The following CADPS variants were observed in gnomAD, a reference collection of about 807,000 sequenced individuals.
CADPS encodes the protein calcium-dependent secretion activator 1.
CADPS carries 57 observed loss-of-function variants against 167.3 expected under a neutral mutation model. The ratio of observed to expected loss-of-function variants is 0.34; its 90% CI spans 0.28 to 0.42. The LOEUF (loss-of-function observed/expected upper bound fraction) is 0.42. Ranked by LOEUF, CADPS falls within the 20% of genes least tolerant of loss-of-function variation. CADPS has a pLI of 1.00. For missense variants in CADPS, 1,414 were observed against 1,738.1 expected (o/e 0.81, Z 3.32); for synonymous variants, 676 against 635.3 (o/e 1.06, Z -0.96).
At chr3:62,491,706 T>G (rs561065187) in intron 20 of CADPS, among the ~76,000 whole-genome samples, 8 of 152,308 alleles carry the variant, frequency 5.3e-5, no homozygotes, top group African/African-American at 1.7e-4. Flanking sequence ...CCCCTTGGTA[T>G]TGATCTTCTA....
intron 3 of CADPS, among the ~76,000 whole-genome samples, chr3:62,697,386 C>CTTCA (rs1331094511): frequency 6.6e-6 from 1 of 152,056 alleles, no homozygotes; most frequent in African/African-American, 2.4e-5. Context: ...TCCTAAGTTA[C>CTTCA]TTCAGTAACT....
intron 11 of CADPS, among the ~76,000 whole-genome samples, chr3:62,537,480 G>A (rs549976966): frequency 1.3e-5 from 2 of 152,142 alleles, no homozygotes; most frequent in Admixed American, 1.3e-4. Context: ...TAGAAATGAA[G>A]GTGCTCTCCA....
At chr3:62,516,250 A>G (rs1173695831) in intron 15 of CADPS, 68 bp from the exon 16 acceptor site, 5 of 1,573,530 alleles carry the variant, frequency 3.2e-6, no homozygotes, top group African/African-American at 1.4e-5. Context: ...CATACTTCTT[A>G]GAAGCGTGAA....
intron 1 of CADPS, among the ~76,000 whole-genome samples, chr3:62,858,560 A>C (rs2080145588): frequency 6.6e-6 from 1 of 152,154 alleles, no homozygotes; most frequent in Non-Finnish European, 1.5e-5. Flanking sequence ...AAAAATTACA[A>C]GTCTGTTTGG....
intron 6 of CADPS, among the ~76,000 whole-genome samples, chr3:62,632,392 C>T (rs553078399): frequency 3.3e-5 from 5 of 152,194 alleles, no homozygotes; most frequent in Admixed American, 2.0e-4. Context: ...AACCACACTG[C>T]CTTATACAAA....
At chr3:62,693,900 C>A (rs909472928) in intron 3 of CADPS, among the ~76,000 whole-genome samples, 2 of 152,008 alleles carry the variant, frequency 1.3e-5, no homozygotes, top group East Asian at 1.9e-4. Context: ...AGTTTATGTT[C>A]ATCAGTTCTA....
At position 62,412,723 on chromosome 3, in the gene CADPS, G is replaced by C. The variant is rs1329692477; in HGVS notation, c.3778-9538C>G. ...CCTTCTAACCCAAGTCAGTCCTGTT[G>C]CATGGGGGAAATTTCAAGGGGAGGC... On this transcript the variant is annotated intron_variant, in intron 28 of 29. Coordinates refer to ENST00000383710, the MANE Select transcript of CADPS (RefSeq NM_003716.4). This position sits in a 1 kb window ranked among gnomAD's most constrained non-coding sequence, Gnocchi z 4.1. Among the ~76,000 whole-genome samples the C allele has an allele frequency of 1.3e-5, 2 of 152,138 alleles. No individual in the cohort carries two copies. The highest frequency in any genetic ancestry group is 4.8e-5 in the African/African-American group (2 of 41,432).
chr3:62,480,490 T>C (rs910315577), intron 22 of CADPS, among the ~76,000 whole-genome samples: 2 of 152,216 alleles, frequency 1.3e-5, no homozygotes, highest in Admixed American at 1.3e-4. Flanking sequence ...CATATGATTT[T>C]AGTGTGAACT....
chr3:62,828,555 A>G (rs973978457), intron 1 of CADPS, among the ~76,000 whole-genome samples: 1 of 152,186 alleles, frequency 6.6e-6, no homozygotes, highest in South Asian at 2.1e-4. Context: ...AGAGCCTTGT[A>G]TAACACAAGG....
At position 62,499,147 on chromosome 3, in the gene CADPS, A is replaced by G. The variant is rs1224260422; in HGVS notation, c.2706+15T>C. 1.3e-6 allele frequency: 2 copies of G among 1,559,816 alleles called. No homozygotes were observed. Among genetic ancestry groups the G allele is most frequent in the African/African-American group, 2.7e-5 (2 of 73,866 alleles). On this transcript the variant is annotated intron_variant, in intron 18 of 29. Transcript: ENST00000383710. ...TAAGGGACAGTAAGATACACTTCCC[A>G]CCAAGCCTGCTCACCTCTGCGTGGT...
In CADPS at chr3:62,474,294, A is replaced by G; in HGVS notation, c.3356T>C (p.Leu1119Pro). 3 of 1,613,468 alleles carry G rather than the reference A, an allele frequency of 1.9e-6. No homozygotes were observed. The highest frequency in any genetic ancestry group is 2.5e-6 in the Non-Finnish European group (3 of 1,179,846). Residue 1119 changes from leucine (L) to proline (P), a missense_variant, in exon 24 of 30, where the codon CTG becomes CCG. Coordinates refer to ENST00000383710, the MANE Select transcript of CADPS (RefSeq NM_003716.4). Reference protein sequence around the residue: ...KRTRIAFEVKLQKTSRSTDFR... With the variant: ...KRTRIAFEVKPQKTSRSTDFR... ...ATCTGTTGATCGACTGGTTTTTTGC[A>G]GCTTAACTTCAAATGCAATCCTGGT...
intron 17 of CADPS, among the ~76,000 whole-genome samples, chr3:62,509,074 G>C (rs894795641): frequency 1.3e-5 from 2 of 151,786 alleles, no homozygotes; most frequent in South Asian, 4.2e-4. Context: ...AGGCCGAGGT[G>C]GGTGGATCAC....
At chr3:62,611,894 T>G (rs2061552100) in intron 6 of CADPS, among the ~76,000 whole-genome samples, 1 of 152,168 alleles carries the variant, frequency 6.6e-6, no homozygotes, top group Non-Finnish European at 1.5e-5. Context: ...TCCTTATCAC[T>G]TATTGCCACC....
intron 3 of CADPS, among the ~76,000 whole-genome samples, chr3:62,737,631 C>G (rs564044): frequency 0.32 from 48,979 of 152,070 alleles, 8,610 homozygotes; most frequent in African/African-American, 0.46. Flanking sequence ...AATCCAAGCT[C>G]TGAGGTATGG....
At chr3:62,452,642 C>G (rs1485637798) in intron 26 of CADPS, among the ~76,000 whole-genome samples, 1 of 151,966 alleles carries the variant, frequency 6.6e-6, no homozygotes, top group Non-Finnish European at 1.5e-5. Flanking sequence ...GTGGGTGAAA[C>G]AGGAAATAAA....
chr3:62,521,531 A>C (rs2070592533), intron 13 of CADPS, among the ~76,000 whole-genome samples: 1 of 152,180 alleles, frequency 6.6e-6, no homozygotes, highest in Non-Finnish European at 1.5e-5. Context: ...CTAGCTCTGC[A>C]TCTTGTTCCT....
chr3:62,768,758 T>C (rs1243220652), intron 1 of CADPS, among the ~76,000 whole-genome samples: 5 of 152,152 alleles, frequency 3.3e-5, no homozygotes, highest in Non-Finnish European at 7.3e-5. Context: ...TGATTCAGGA[T>C]TTCAGAGAAG....
chr3:62,691,086 A>G (rs1415965550), intron 3 of CADPS, among the ~76,000 whole-genome samples: 1 of 151,984 alleles, frequency 6.6e-6, no homozygotes, highest in Non-Finnish European at 1.5e-5. Context: ...AAGGCTACAC[A>G]CTGTGTAATT....
chr3:62,545,514 C>T (rs1000470332), intron 11 of CADPS, among the ~76,000 whole-genome samples: 1 of 152,046 alleles, frequency 6.6e-6, no homozygotes, highest in African/African-American at 2.4e-5. Context: ...AACAATGACA[C>T]ACACAAAAAA....
Sources: gnomAD v4.1 joint callset for allele counts (sites outside exome capture counted in the v4.1 genomes callset) on GRCh38, gnomAD v4.1.1 for gene constraint, Gnocchi (gnomAD v3.1) non-coding constraint, MANE v1.5 for transcripts, NCBI Gene and HGNC (gene_info 2026-07-23, HGNC 2026-07-21) for gene names.